Variants in EFCC1 observed in about 807,000 individuals in gnomAD.
The protein encoded by EFCC1 is EF-hand and coiled-coil domain-containing protein 1.
EFCC1 carries 50 observed loss-of-function variants against 52.1 expected under a neutral mutation model. The ratio of observed to expected loss-of-function variants is 0.96; its 90% CI spans 0.76 to 1.21. The LOEUF (loss-of-function observed/expected upper bound fraction) is 1.21. Ranked by LOEUF, EFCC1 falls within the 50% of genes most tolerant of loss-of-function variation. EFCC1 has a pLI of 0.00. For missense variants in EFCC1, 837 were observed against 867.3 expected, an observed-to-expected ratio of 0.97 and a Z score of 0.44; for synonymous variants, 399 against 396.5, an observed-to-expected ratio of 1.01 and a Z score of -0.08.
At chr3:129,030,464 A>G (rs1381143116) in intron 2 of EFCC1, 2 of 355,024 alleles carry the variant, frequency 5.6e-6, no homozygotes, top group East Asian at 4.3e-5. Context: ...TATAAGGATG[A>G]AAATCCGTTG....
At chr3:129,020,738 C>T (rs1945802868) in intron 2 of EFCC1, among the ~76,000 whole-genome samples, 1 of 152,204 alleles carries the variant, frequency 6.6e-6, no homozygotes, top group Non-Finnish European at 1.5e-5. Flanking sequence ...TAAACAGACA[C>T]AGGCCAGATG....
chr3:129,029,959 C>A (rs1422736843), intron 2 of EFCC1, among the ~76,000 whole-genome samples: 1 of 151,324 alleles, frequency 6.6e-6, no homozygotes, highest in East Asian at 1.9e-4. Context: ...CCGAGGCAGG[C>A]AGATTGCCTG....
intron 2 of EFCC1, among the ~76,000 whole-genome samples, chr3:129,015,779 C>T (rs1302874558): frequency 6.7e-6 from 1 of 149,854 alleles, no homozygotes; most frequent in Non-Finnish European, 1.5e-5. Context: ...CTGCATCCCG[C>T]CCCCCTACCC....
At chr3:129,030,174 C>A (rs1946242675) in intron 2 of EFCC1, among the ~76,000 whole-genome samples, 1 of 151,988 alleles carries the variant, frequency 6.6e-6, no homozygotes, top group Non-Finnish European at 1.5e-5. Flanking sequence ...GACATAGAGA[C>A]CCTATCTCTT....
At chr3:129,022,587 C>T (rs1945907119) in intron 2 of EFCC1, among the ~76,000 whole-genome samples, 1 of 152,198 alleles carries the variant, frequency 6.6e-6, no homozygotes, top group South Asian at 2.1e-4. Context: ...CCTCCGGATG[C>T]TGTGCAGATG....
intron 2 of EFCC1, among the ~76,000 whole-genome samples, chr3:129,015,435 G>C (rs114367862): frequency 6.6e-6 from 1 of 152,086 alleles, no homozygotes; most frequent in South Asian, 2.1e-4. Flanking sequence ...GGGAGGTTGC[G>C]GGGTAAGCTC....
chr3:129,014,235 G>A lies in EFCC1; in HGVS notation c.980+10158G>A, dbSNP rs750553706. On this transcript the variant is annotated intron_variant, in intron 2 of 7. Transcript: ENST00000683648. The surrounding 1 kb of genome is among the most constrained non-coding windows in gnomAD (Gnocchi z 4.3). ...CGTGGACCAACTCTCAGTGCGTTACGCTGTTGACCACCAGTAACTAAGCGG... is the reference window on the plus strand; with the variant it reads ...CGTGGACCAACTCTCAGTGCGTTACACTGTTGACCACCAGTAACTAAGCGG... Among the ~76,000 whole-genome samples the A allele has an allele frequency of 7.9e-5, 12 of 152,344 alleles. No individual in the cohort carries two copies. Among genetic ancestry groups the A allele is most frequent in the Admixed American group, 4.6e-4 (7 of 15,308 alleles).
intron 2 of EFCC1, among the ~76,000 whole-genome samples, chr3:129,024,538 A>AG (rs1483706925): frequency 6.6e-6 from 1 of 151,502 alleles, no homozygotes; most frequent in East Asian, 1.9e-4. Flanking sequence ...CGCAAAAAAA[A>AG]AGAAAAAAAA....
chr3:129,026,627 A>G (rs1286003473), intron 2 of EFCC1, among the ~76,000 whole-genome samples: 1 of 152,074 alleles, frequency 6.6e-6, no homozygotes, highest in Non-Finnish European at 1.5e-5. Flanking sequence ...ACACCTCCCT[A>G]TGGGGCCATA....
Position 129,014,122 on chromosome 3 carries a change from T to C in EFCC1, c.980+10045T>C, listed in dbSNP as rs1400907277. Among the ~76,000 whole-genome samples, 1 of 152,246 alleles carries C rather than the reference T, an allele frequency of 6.6e-6. No homozygotes were observed. Among genetic ancestry groups the C allele is most frequent in the Non-Finnish European group, 1.5e-5 (1 of 68,040 alleles). On this transcript the variant is annotated intron_variant, in intron 2 of 7. Transcript: ENST00000683648. The surrounding 1 kb of genome is among the most constrained non-coding windows in gnomAD (Gnocchi z 4.3). The stretch of plus-strand genomic sequence containing the variant: ...GAAATAACCATTGGCTTTTCTTCAT[T>C]CAACCAAATTCTGTCAAGTGCCTAG...
chr3:129,023,624 G>A (rs971046062), intron 2 of EFCC1, among the ~76,000 whole-genome samples: 4 of 152,198 alleles, frequency 2.6e-5, no homozygotes, highest in Admixed American at 1.3e-4. Context: ...GAGCCACCGC[G>A]CCTGGCCACC....
rs1193339624 is a variant in EFCC1 at position 129,034,194 on chromosome 3, GACTT to G, written c.1322_1325del (p.Tyr441LeufsTer27). 6 of 1,614,118 alleles carry G rather than the reference GACTT, an allele frequency of 3.7e-6. No homozygotes were observed. In the African/African-American group the frequency reaches 8.0e-5, roughly 22 times the overall value. On this transcript the variant is annotated frameshift_variant, in exon 5 of 8. Transcript: ENST00000683648. LOFTEE classifies it high-confidence loss of function. ...ATGACCAGACGGCGGAGAAGCTCAT[GACTT>G]ACTTTGGTCACTTCGGCGGTGCCAA...
intron 2 of EFCC1, 67 bp from the exon 3 acceptor site, chr3:129,030,636 G>A (rs1417770387): frequency 1.6e-5 from 24 of 1,499,224 alleles, no homozygotes; most frequent in East Asian, 2.5e-5. Flanking sequence ...GCTTGCCCAT[G>A]TACAGTGGGG....
chr3:129,037,012 C>T lies in EFCC1; in HGVS notation c.1488C>T (p.His496=). Residue 496 remains histidine (H), a synonymous_variant, in exon 6 of 8, where the codon CAC becomes CAT. Transcript: ENST00000683648. ...ELQQKVEENE[H]LRLELQMVET... is the part of the protein sequence containing the mutation. ...AGCAGAAGGTGGAAGAGAATGAGCA[C>T]CTGAGGCTGGAGCTGCAGATGGTAG... The T allele has an allele frequency of 1.2e-6, 2 of 1,613,962 alleles. No individual in the cohort carries two copies. Among genetic ancestry groups the T allele is most frequent in the South Asian group, 1.1e-5 (1 of 91,084 alleles).
At chr3:129,025,769 C>G (rs1371121865) in intron 2 of EFCC1, among the ~76,000 whole-genome samples, 1 of 152,258 alleles carries the variant, frequency 6.6e-6, no homozygotes, top group Non-Finnish European at 1.5e-5. Context: ...CCTGAGGAAG[C>G]ACTTGTTCCA....
At chr3:129,037,633 C>A (rs1946373010) in intron 6 of EFCC1, among the ~76,000 whole-genome samples, 1 of 152,160 alleles carries the variant, frequency 6.6e-6, no homozygotes, top group African/African-American at 2.4e-5. Context: ...CAATAAAATT[C>A]AATCTCCTTT....
intron 2 of EFCC1, among the ~76,000 whole-genome samples, chr3:129,023,312 T>TC (rs933050909): frequency 6.8e-6 from 1 of 146,616 alleles, no homozygotes; most frequent in African/African-American, 2.5e-5. Context: ...TCTTGCTTCT[T>TC]TTTTTTTTTT....
In EFCC1 at chr3:129,014,021, C is replaced by T. The variant is rs891392684; in HGVS notation, c.980+9944C>T. ...AGGTGACTGGAGAAGCCTGGAGCCA[C>T]CCAAAGTCAGAGACCCAGGAAGGGG... On this transcript the variant is annotated intron_variant, in intron 2 of 7. Coordinates refer to ENST00000683648, the MANE Select transcript of EFCC1 (RefSeq NM_001377500.1). This position sits in a 1 kb window ranked among gnomAD's most constrained non-coding sequence, Gnocchi z 4.3. Among the ~76,000 whole-genome samples, 2 of 152,164 alleles carry T rather than the reference C, an allele frequency of 1.3e-5. No individual in the cohort carries two copies. The highest frequency in any genetic ancestry group is 4.8e-5 in the African/African-American group (2 of 41,434).
Position 129,037,092 on chromosome 3 carries a change from A to G in EFCC1, c.1568A>G (p.Gln523Arg). 1 of 1,611,044 alleles carries G rather than the reference A, an allele frequency of 6.2e-7. No individual in the cohort carries two copies. Among genetic ancestry groups the G allele is most frequent in the Non-Finnish European group, 8.5e-7 (1 of 1,179,084 alleles). ...GAGGAGAAGCTGGTGGACGTGCTGCAGCTCCTGCAGAGGCTCCGGGACCTG... is the reference window on the plus strand; with the variant it reads ...GAGGAGAAGCTGGTGGACGTGCTGCGGCTCCTGCAGAGGCTCCGGGACCTG... ...LLEEKLVDVL[Q>R]LLQRLRDLNI... Residue 523 changes from glutamine to arginine, a missense_variant, in exon 6 of 8, where the codon CAG becomes CGG. Coordinates refer to ENST00000683648, the MANE Select transcript of EFCC1 (RefSeq NM_001377500.1).
Sources: gnomAD v4.1 joint callset for allele counts (sites outside exome capture counted in the v4.1 genomes callset) on GRCh38, gnomAD v4.1.1 for gene constraint, Gnocchi (gnomAD v3.1) non-coding constraint, MANE v1.5 for transcripts, NCBI Gene and HGNC (gene_info 2026-07-23, HGNC 2026-07-21) for gene names.